ZNF429: variants seen among roughly 807,000 people sequenced by gnomAD.
ZNF429 encodes the protein zinc finger protein 429.
In ZNF429, 53 loss-of-function variants were observed where a neutral mutation model predicts 56.8. The ratio of observed to expected loss-of-function variants is 0.93; its 90% CI spans 0.75 to 1.17. ZNF429 has a LOEUF of 1.17. Ranked by LOEUF, ZNF429 falls within the 50% of genes most tolerant of loss-of-function variation. ZNF429 has a pLI of 0.00. For synonymous variants in ZNF429, 278 were observed against 264.7 expected (o/e 1.05, Z -0.49); for missense variants, 849 against 788.4 (o/e 1.08, Z -0.92).
At chr19:21,523,490 A>G (rs1599462362) in intron 1 of ZNF429, among the ~76,000 whole-genome samples, 3 of 152,328 alleles carry the variant, frequency 2.0e-5, no homozygotes, top group East Asian at 3.9e-4. Context: ...ATTGTTTACT[A>G]TTGCCACCAG....
chr19:21,537,186 T>G lies in ZNF429; in HGVS notation c.1133T>G (p.Phe378Cys). 6.2e-7 allele frequency: 1 copy of G among 1,613,860 alleles called. No individual in the cohort carries two copies. The highest frequency in any genetic ancestry group is 8.5e-7 in the Non-Finnish European group (1 of 1,179,908). The change falls in exon 4 of 4, where the codon TTT (phenylalanine) becomes TGT (cysteine). Residue 378 changes from phenylalanine (F) to cysteine (C), a missense_variant. By Grantham distance (205) the Phe-to-Cys change is radical. Transcript: ENST00000358491. ...PYKCEECGKAFNQSSRLTRHK... is the reference protein window; with the variant it reads ...PYKCEECGKACNQSSRLTRHK... ...AAATGTGAAGAATGTGGCAAAGCTTTTAACCAGTCTTCAAGACTTACTCGA... is the reference window on the plus strand; with the variant it reads ...AAATGTGAAGAATGTGGCAAAGCTTGTAACCAGTCTTCAAGACTTACTCGA...
chr19:21,538,109 CAAAAA>C lies in ZNF429; in HGVS notation c.*47_*51del, dbSNP rs35018389. On this transcript the variant is annotated 3_prime_UTR_variant, in exon 4 of 4. Coordinates refer to ENST00000358491, the MANE Select transcript of ZNF429 (RefSeq NM_001001415.4). The stretch of plus-strand genomic sequence containing the variant: ...TGAAACCCCGTCTCTACTAAAAATA[CAAAAA>C]AAAAAAAAAAAAAAATTAGCCAGGC... 3.3e-4 allele frequency: 146 copies of C among 446,742 alleles called. No individual in the cohort carries two copies. The highest frequency in any genetic ancestry group is 4.9e-4 in the Admixed American group (10 of 20,592). The allele number at this position is 446,742 out of a possible 1,614,324, so 27.7% of individuals were successfully genotyped here.
intron 1 of ZNF429, among the ~76,000 whole-genome samples, chr19:21,527,903 C>G (rs1190376072): frequency 6.6e-6 from 1 of 152,164 alleles, no homozygotes; most frequent in African/African-American, 2.4e-5. Flanking sequence ...AGATCAAGAG[C>G]TGTGTCCACT....
At chr19:21,505,991 T>G (rs1220634232) in intron 1 of ZNF429, 2 of 461,888 alleles carry the variant, frequency 4.3e-6, no homozygotes, top group African/African-American at 4.0e-5. Flanking sequence ...GCAGTGACTG[T>G]GCCTGACGTG....
chr19:21,520,209 C>T (rs2032940826), intron 1 of ZNF429, among the ~76,000 whole-genome samples: 2 of 152,146 alleles, frequency 1.3e-5, no homozygotes, highest in Non-Finnish European at 2.9e-5. Flanking sequence ...CTTTTTCCTT[C>T]ATAAACATTC....
chr19:21,508,084 C>T (rs1039570895), intron 1 of ZNF429, among the ~76,000 whole-genome samples: 1 of 152,036 alleles, frequency 6.6e-6, no homozygotes, highest in Non-Finnish European at 1.5e-5. Context: ...GAAATTCCGT[C>T]TCTACTAAAA....
At chr19:21,530,565 T>C in intron 2 of ZNF429, 24 bp from the exon 3 acceptor site, 3 of 1,547,252 alleles carry the variant, frequency 1.9e-6, no homozygotes, top group East Asian at 2.3e-5. Context: ...GCAAGATTCA[T>C]CTTCTTTATT....
Position 21,537,926 on chromosome 19 carries a change from G to A in ZNF429, c.1873G>A (p.Glu625Lys). 6.2e-7 allele frequency: 1 copy of A among 1,613,946 alleles called. No individual in the cohort carries two copies. Among genetic ancestry groups the A allele is most frequent in the Non-Finnish European group, 8.5e-7 (1 of 1,179,938 alleles). The change falls in exon 4 of 4, where the codon GAA (glutamate) becomes AAA (lysine). Residue 625 changes from glutamate to lysine, a missense_variant. Transcript: ENST00000358491. ...HTREKPYKCEECAKAFTRSSR... is the reference protein window; with the variant it reads ...HTREKPYKCEKCAKAFTRSSR... ...TAGAGAGAAACCTTACAAATGTGAAGAATGTGCCAAAGCTTTTACCCGGTC... is the reference window on the plus strand; with the variant it reads ...TAGAGAGAAACCTTACAAATGTGAAAAATGTGCCAAAGCTTTTACCCGGTC...
At chr19:21,535,066 A>G in intron 3 of ZNF429, among the ~76,000 whole-genome samples, 1 of 147,534 alleles carries the variant, frequency 6.8e-6, no homozygotes, top group Non-Finnish European at 1.5e-5. Flanking sequence ...TGACCTTGTG[A>G]TCCGCCCGCC....
At chr19:21,531,214 G>T in intron 3 of ZNF429, among the ~76,000 whole-genome samples, 2 of 151,404 alleles carry the variant, frequency 1.3e-5, no homozygotes, top group Non-Finnish European at 1.5e-5. Flanking sequence ...AAATAAAATG[G>T]GGATTAACAA....
At position 21,529,682 on chromosome 19, in the gene ZNF429, G is replaced by A. The variant is rs749539568; in HGVS notation, c.28G>A (p.Ala10Thr). ...GGGACCATTGACATTTACAGATGTG[G>A]CCATAGAATTCTCTCTGGAGGAGTG... MGPLTFTDVAIEFSLEEWQC... is the reference protein window; with the variant it reads MGPLTFTDVTIEFSLEEWQC... Residue 10 changes from alanine (A) to threonine (T), a missense_variant, in exon 2 of 4, where the codon GCC (alanine) becomes ACC (threonine). Ala to Thr is a moderately conservative substitution (Grantham distance 58, BLOSUM62 0). Transcript: ENST00000358491. The A allele has an allele frequency of 2.5e-6, 4 of 1,594,468 alleles. No homozygotes were observed. In the South Asian group the frequency reaches 4.5e-5, roughly 18 times the overall value.
chr19:21,533,599 T>C, intron 3 of ZNF429, among the ~76,000 whole-genome samples: 1 of 152,008 alleles, frequency 6.6e-6, no homozygotes, highest in Non-Finnish European at 1.5e-5. Context: ...AAGTATTTTA[T>C]TTAAAATGTT....
At position 21,537,802 on chromosome 19, in the gene ZNF429, T is replaced by G. The variant is rs1445024859; in HGVS notation, c.1749T>G (p.His583Gln). Residue 583 changes from histidine to glutamine, a missense_variant, in exon 4 of 4, where the codon CAT becomes CAG. His to Gln is a conservative substitution (Grantham distance 24, BLOSUM62 0). Transcript: ENST00000358491. ...CCCACTCCTCAAACCTTAGTAGTCATAAGAAAATTCATAGTGGAGAGAAAC... is the reference window on the plus strand; with the variant it reads ...CCCACTCCTCAAACCTTAGTAGTCAGAAGAAAATTCATAGTGGAGAGAAAC... ...AFTHSSNLSS[H>Q]KKIHSGEKPY... is the part of the protein sequence containing the mutation. The G allele has an allele frequency of 6.2e-7, 1 of 1,613,374 alleles. No individual in the cohort carries two copies.
At chr19:21,527,181 C>T (rs1451294533) in intron 1 of ZNF429, among the ~76,000 whole-genome samples, 1 of 152,112 alleles carries the variant, frequency 6.6e-6, no homozygotes, top group Non-Finnish European at 1.5e-5. Context: ...TACATCAGCA[C>T]CGATGGGACT....
chr19:21,535,467 T>G lies in ZNF429; in HGVS notation c.227-813T>G. 3.5e-5 allele frequency among the ~76,000 whole-genome samples: 3 copies of G among 85,520 alleles called. 1 individual carries two copies. Among genetic ancestry groups the G allele is most frequent in the African/African-American group, 1.4e-4 (3 of 21,110 alleles). The allele number at this position is 85,520 out of a possible 152,430, so 56.1% of individuals were successfully genotyped here. On this transcript the variant is annotated intron_variant, in intron 3 of 3. Transcript: ENST00000358491. ...TTCTTTCTTTCTTTCTTTCTTTCTT[T>G]CTTTCTTTCTTTCTTTCTTTCTTTC...
At chr19:21,521,768 C>T (rs2145444567) in intron 1 of ZNF429, 1 of 152,792 alleles carries the variant, frequency 6.5e-6, no homozygotes, top group East Asian at 1.9e-4. Flanking sequence ...CTGCACTTAT[C>T]CTGGAAATCC....
chr19:21,511,920 T>C (rs998781461), intron 1 of ZNF429, among the ~76,000 whole-genome samples: 3 of 151,822 alleles, frequency 2.0e-5, no homozygotes, highest in Non-Finnish European at 2.9e-5. Context: ...ACCAAAAAAA[T>C]ACGAAAACCA....
rs1186246570 is a variant in ZNF429, at chr19:21,537,114, CA to C, written c.1063del (p.Thr355LeufsTer7). On this transcript the variant is annotated frameshift_variant, in exon 4 of 4. Coordinates refer to ENST00000358491, the MANE Select transcript of ZNF429 (RefSeq NM_001001415.4). LOFTEE classifies it high-confidence loss of function. ...TGTGGCAAAGCCTTTAACTGGTCTT[CA>C]ACTCTTACTAAACATAAGGTAATTC... The part of the protein sequence containing the change: ...EECGKAFNWS[S>X]TLTKHKVIHT... 1.2e-5 allele frequency: 19 copies of C among 1,613,782 alleles called. No individual in the cohort carries two copies. Among genetic ancestry groups the C allele is most frequent in the Admixed American group, 3.3e-5 (2 of 59,998 alleles).
At chr19:21,529,819 C>A in intron 2 of ZNF429, 35 bp downstream of exon 2, 1 of 1,314,380 alleles carries the variant, frequency 7.6e-7, no homozygotes, top group South Asian at 1.4e-5. Context: ...TCCTAATATA[C>A]CCTAAATGTT....
Sources: allele counts gnomAD v4.1 joint callset (sites outside exome capture counted in the v4.1 genomes callset), GRCh38; gene constraint gnomAD v4.1.1; transcripts MANE v1.5; gene names NCBI Gene and HGNC (gene_info 2026-07-23, HGNC 2026-07-21).